Variants in DPYD observed in about 807,000 individuals in gnomAD.
DPYD encodes the protein dihydropyrimidine dehydrogenase [NADP(+)].
In DPYD, 109 loss-of-function variants were observed where a neutral mutation model predicts 116.2. The ratio of observed to expected loss-of-function variants is 0.94; its 90% CI spans 0.80 to 1.10. The LOEUF is 1.10. DPYD is among the 50% of genes least tolerant of loss of function. The probability of loss-of-function intolerance (pLI) is 0.00; values close to 1 mark genes in which losing one functional copy is unlikely to be tolerated. For synonymous variants in DPYD, 440 were observed against 432.0 expected (o/e 1.02, Z -0.23); for missense variants, 1,302 against 1,254.5 (o/e 1.04, Z -0.57).
chr1:97,376,053 T>G (rs1671594648), intron 15 of DPYD, among the ~76,000 whole-genome samples: 1 of 152,268 alleles, frequency 6.6e-6, no homozygotes, highest in South Asian at 2.1e-4. Flanking sequence ...GTCCTTTGTA[T>G]GTTTTATCTT....
intron 16 of DPYD, 155 bp from the exon 17 acceptor site, chr1:97,306,452 C>T: frequency 3.1e-6 from 3 of 966,734 alleles, no homozygotes; most frequent in Non-Finnish European, 4.8e-6. Context: ...AGTATTACAC[C>T]TAGACTCATT....
chr1:97,802,321 G>C (rs1032648470), intron 3 of DPYD, among the ~76,000 whole-genome samples: 2 of 151,804 alleles, frequency 1.3e-5, no homozygotes, highest in African/African-American at 2.4e-5. Flanking sequence ...AATAAGAACT[G>C]CCAAAATGTC....
chr1:97,670,734 C>T (rs1023468033), intron 8 of DPYD, among the ~76,000 whole-genome samples: 3 of 152,284 alleles, frequency 2.0e-5, no homozygotes, highest in South Asian at 2.1e-4. Flanking sequence ...AAAAATGTAA[C>T]TGGCAGCCAT....
At chr1:97,719,391 A>G (rs12726516) in intron 5 of DPYD, among the ~76,000 whole-genome samples, 13 of 152,108 alleles carry the variant, frequency 8.5e-5, no homozygotes, top group Non-Finnish European at 2.9e-5. Flanking sequence ...ATACCATACT[A>G]TTGTAATCTG....
intron 19 of DPYD, among the ~76,000 whole-genome samples, chr1:97,217,046 A>G (rs1660451230): frequency 6.6e-6 from 1 of 151,992 alleles, no homozygotes; most frequent in Admixed American, 6.5e-5. Flanking sequence ...CGTCTCTACT[A>G]AAAACACAAA....
chr1:97,882,753 G>T (rs1428065099), intron 2 of DPYD, among the ~76,000 whole-genome samples: 1 of 151,832 alleles, frequency 6.6e-6, no homozygotes, highest in Non-Finnish European at 1.5e-5. Flanking sequence ...ACCTCACCTG[G>T]AAATATTAGG....
intron 18 of DPYD, among the ~76,000 whole-genome samples, chr1:97,236,263 C>T (rs922730876): frequency 6.6e-5 from 10 of 152,116 alleles, no homozygotes; most frequent in African/African-American, 2.4e-4. Flanking sequence ...TTCAGCCTCA[C>T]GTGGTGAGTT....
intron 18 of DPYD, among the ~76,000 whole-genome samples, chr1:97,255,725 G>A (rs911767534): frequency 9.6e-5 from 14 of 146,386 alleles, no homozygotes; most frequent in East Asian, 2.1e-4. Flanking sequence ...TTTTTCAGAT[G>A]GGAAAACAAA....
chr1:97,195,564 A>ACT (rs1426367873), intron 19 of DPYD, among the ~76,000 whole-genome samples: 4 of 54,100 alleles, frequency 7.4e-5, no homozygotes, highest in Non-Finnish European at 1.4e-4. Context: ...GAGAGACAGA[A>ACT]CTCTCATATA....
intron 20 of DPYD, among the ~76,000 whole-genome samples, chr1:97,190,648 A>T (rs1374213999): frequency 6.6e-6 from 1 of 152,218 alleles, no homozygotes; most frequent in Non-Finnish European, 1.5e-5. Context: ...AGCCACCTGA[A>T]GAAATGCTGG....
intron 8 of DPYD, among the ~76,000 whole-genome samples, chr1:97,632,473 G>A (rs1461596422): frequency 6.6e-6 from 1 of 152,066 alleles, no homozygotes; most frequent in South Asian, 2.1e-4. Flanking sequence ...ATATACAAAT[G>A]TACTTCTAAA....
At chr1:97,533,830 A>T (rs1268867115) in intron 12 of DPYD, among the ~76,000 whole-genome samples, 1 of 152,196 alleles carries the variant, frequency 6.6e-6, no homozygotes, top group African/African-American at 2.4e-5. Flanking sequence ...GTAGTTGCCC[A>T]GAGGTCACTT....
At chr1:97,524,975 T>G (rs1050758531) in intron 12 of DPYD, among the ~76,000 whole-genome samples, 7 of 152,236 alleles carry the variant, frequency 4.6e-5, no homozygotes, top group African/African-American at 1.4e-4. Context: ...GAATGGCAAC[T>G]GTATCCTTCC....
intron 1 of DPYD, among the ~76,000 whole-genome samples, chr1:97,898,800 T>C (rs1191552955): frequency 2.0e-5 from 3 of 151,926 alleles, no homozygotes; most frequent in African/African-American, 7.2e-5. Context: ...ATCTGATGGT[T>C]TTCTACATGG....
intron 9 of DPYD, among the ~76,000 whole-genome samples, chr1:97,594,306 A>G: frequency 6.6e-6 from 1 of 152,168 alleles, no homozygotes; most frequent in East Asian, 1.9e-4. Context: ...AGGGTTTCAG[A>G]CATACAAACA....
At chr1:97,671,802 C>T (rs1403421006) in intron 8 of DPYD, among the ~76,000 whole-genome samples, 1 of 151,612 alleles carries the variant, frequency 6.6e-6, no homozygotes, top group Admixed American at 6.6e-5. Context: ...ATGCACACAA[C>T]CAAAAATGAC....
intron 14 of DPYD, among the ~76,000 whole-genome samples, chr1:97,391,149 C>T (rs1356711384): frequency 6.7e-6 from 1 of 149,832 alleles, no homozygotes; most frequent in Non-Finnish European, 1.5e-5. Flanking sequence ...TCTCATTTCA[C>T]ATGCATTCAC....
At chr1:97,336,404 C>T (rs1386408229) in intron 16 of DPYD, among the ~76,000 whole-genome samples, 4 of 152,122 alleles carry the variant, frequency 2.6e-5, no homozygotes, top group African/African-American at 9.7e-5. Context: ...CTACTAGGTT[C>T]TCAATAAGTG....
intron 18 of DPYD, among the ~76,000 whole-genome samples, chr1:97,282,437 T>C: frequency 6.6e-6 from 1 of 152,114 alleles, no homozygotes; most frequent in South Asian, 2.1e-4. Context: ...TTGTTTAATA[T>C]TAGGAAATAC....
Sources: allele counts gnomAD v4.1 joint callset (sites outside exome capture counted in the v4.1 genomes callset), GRCh38; gene constraint gnomAD v4.1.1; transcripts MANE v1.5; gene names NCBI Gene and HGNC (gene_info 2026-07-23, HGNC 2026-07-21).